PIP4P2: variants seen among roughly 807,000 people sequenced by gnomAD.
PIP4P2 encodes the protein phosphatidylinositol-4,5-bisphosphate 4-phosphatase 2.
In PIP4P2, 19 loss-of-function variants were observed where a neutral mutation model predicts 33.3. That is an observed-to-expected ratio of 0.57 (90% CI 0.40 to 0.84). The LOEUF (loss-of-function observed/expected upper bound fraction) is 0.84, where lower values mean the gene tolerates loss of function less well. Among genes scored for constraint, PIP4P2 ranks in the 40% least tolerant of loss-of-function variants. PIP4P2 has a pLI of 0.00. For synonymous variants in PIP4P2, 110 were observed against 111.9 expected (o/e 0.98, Z 0.11); for missense variants, 270 against 324.7 (o/e 0.83, Z 1.29).
intron 3 of PIP4P2, 74 bp downstream of exon 3, chr8:91,020,083 C>T: frequency 7.1e-7 from 1 of 1,410,526 alleles, no homozygotes; most frequent in Non-Finnish European, 9.9e-7. Flanking sequence ...CAAAGCCTGG[C>T]ACTGAAGAAC....
At chr8:91,025,256 G>A (rs1311566585) in intron 1 of PIP4P2, among the ~76,000 whole-genome samples, 4 of 152,134 alleles carry the variant, frequency 2.6e-5, no homozygotes, top group South Asian at 2.1e-4. Context: ...AGAGAAAAAC[G>A]GACTCATAAA....
chr8:91,024,838 A>G (rs1332079818), intron 1 of PIP4P2, among the ~76,000 whole-genome samples: 1 of 152,146 alleles, frequency 6.6e-6, no homozygotes, highest in Non-Finnish European at 1.5e-5. Flanking sequence ...TTAATCCTAA[A>G]AAAAAACTCC....
At chr8:91,017,599 TAAAA>T (rs1039783909) in intron 4 of PIP4P2, among the ~76,000 whole-genome samples, 1 of 151,650 alleles carries the variant, frequency 6.6e-6, no homozygotes, top group African/African-American at 2.4e-5. Context: ...AAATTACAAA[TAAAA>T]AAAAGCAAAC....
chr8:91,031,431 T>A (rs1252013862), intron 1 of PIP4P2, among the ~76,000 whole-genome samples: 2 of 152,202 alleles, frequency 1.3e-5, no homozygotes, highest in Admixed American at 6.5e-5. Context: ...CAATAAAATG[T>A]CATATTGTAA....
chr8:91,002,041 C>T (rs1463205686), intron 5 of PIP4P2, among the ~76,000 whole-genome samples: 1 of 151,964 alleles, frequency 6.6e-6, no homozygotes, highest in African/African-American at 2.4e-5. Context: ...TTTCTTTTTC[C>T]TAACTCACTC....
intron 1 of PIP4P2, among the ~76,000 whole-genome samples, chr8:91,036,551 C>T (rs1197875864): frequency 6.6e-6 from 1 of 152,158 alleles, no homozygotes; most frequent in Non-Finnish European, 1.5e-5. Context: ...TCCTTCATCT[C>T]TCCATCTCTA....
intron 4 of PIP4P2, among the ~76,000 whole-genome samples, chr8:91,014,669 AT>A (rs1811888048): frequency 6.6e-6 from 1 of 151,818 alleles, no homozygotes. Flanking sequence ...TGAAGATCTA[AT>A]GTACAGTATA....
At chr8:91,016,924 G>A (rs1223861994) in intron 4 of PIP4P2, among the ~76,000 whole-genome samples, 1 of 152,302 alleles carries the variant, frequency 6.6e-6, no homozygotes, top group East Asian at 1.9e-4. Context: ...GCAATTATTT[G>A]TAAGTCCAAG....
chr8:91,005,139 A>C (rs1438030003), intron 5 of PIP4P2, among the ~76,000 whole-genome samples: 1 of 152,174 alleles, frequency 6.6e-6, no homozygotes, highest in Non-Finnish European at 1.5e-5. Flanking sequence ...TAATATGTTG[A>C]AAATGAATTT....
chr8:91,038,583 C>T lies in PIP4P2; in HGVS notation c.106+2061G>A, dbSNP rs180811131. ...TATGGGATTGATCACTCTTGTTCCC[C>T]TAGAGCAGTGTATGGCACATTGTGC... On this transcript the variant is annotated intron_variant, in intron 1 of 6. Coordinates refer to ENST00000285419, the MANE Select transcript of PIP4P2 (RefSeq NM_018710.3). Among the ~76,000 whole-genome samples the T allele has an allele frequency of 1.2e-3, 185 of 152,212 alleles. 1 individual carries two copies. Among genetic ancestry groups the T allele is most frequent in the African/African-American group, 4.4e-3 (182 of 41,536 alleles).
At position 90,994,146 on chromosome 8, in the gene PIP4P2, G is replaced by C. The variant is rs928216880; in HGVS notation, c.*1531C>G. On this transcript the variant is annotated 3_prime_UTR_variant, in exon 7 of 7. Transcript: ENST00000285419. ...TTAAAAATAAAACCATTTGAAAATAGTACAAAAAACATAAATGAATATTAT... is the reference window on the plus strand; with the variant it reads ...TTAAAAATAAAACCATTTGAAAATACTACAAAAAACATAAATGAATATTAT... 6 of 151,936 alleles carry C rather than the reference G, an allele frequency of 3.9e-5. No individual in the cohort carries two copies. The highest frequency in any genetic ancestry group is 8.8e-5 in the Non-Finnish European group (6 of 67,934). 9.4% of individuals were successfully genotyped at this position (151,936 alleles called of 1,614,324 possible). A position where few individuals can be genotyped will look rare whatever the true frequency, so the allele number is the denominator to read the frequency against.
At chr8:91,004,752 G>C (rs1364225526) in intron 5 of PIP4P2, among the ~76,000 whole-genome samples, 4 of 152,022 alleles carry the variant, frequency 2.6e-5, no homozygotes, top group South Asian at 2.1e-4. Context: ...GATAAAGACA[G>C]GTTTACGAGT....
In PIP4P2 at chr8:91,040,684, A is replaced by G. The variant is rs1055689440; in HGVS notation, c.66T>C (p.Thr22=). ...CTTGCAAGTACGGTGGGGCGGTGGG[A>G]GTGACATTTCCGGAGTGGGATGCTG... ...LLSASHSGNV[T]PTAPPYLQES... The change falls in exon 1 of 7, where the codon ACT becomes ACC. Residue 22 remains threonine (T), a synonymous_variant. Coordinates refer to ENST00000285419, the MANE Select transcript of PIP4P2 (RefSeq NM_018710.3). 3.7e-6 allele frequency: 6 copies of G among 1,613,366 alleles called. No individual in the cohort carries two copies. The highest frequency in any genetic ancestry group is 1.8e-4 in the Middle Eastern group (1 of 5,530).
intron 4 of PIP4P2, among the ~76,000 whole-genome samples, chr8:91,014,758 GACACACACACAC>G (rs142952434): frequency 1.5e-3 from 215 of 142,748 alleles, no homozygotes; most frequent in African/African-American, 5.3e-3. Flanking sequence ...TTACCACAAA[GACACACACACAC>G]ACACACACAC....
chr8:91,026,076 C>T (rs10111737), intron 1 of PIP4P2, among the ~76,000 whole-genome samples: 102,913 of 152,002 alleles, frequency 0.68, 35,343 homozygotes, highest in Middle Eastern at 0.73. Context: ...TACTCTCTTT[C>T]GTGATGCTGG....
chr8:91,036,429 T>A (rs1311103808), intron 1 of PIP4P2, among the ~76,000 whole-genome samples: 1 of 152,172 alleles, frequency 6.6e-6, no homozygotes, highest in African/African-American at 2.4e-5. Flanking sequence ...GTTCTGGTAA[T>A]CACACCATGA....
chr8:91,007,395 T>A (rs1342461596), intron 5 of PIP4P2, among the ~76,000 whole-genome samples: 1 of 152,242 alleles, frequency 6.6e-6, no homozygotes, highest in African/African-American at 2.4e-5. Context: ...AAATACTTTT[T>A]AATTACTTTC....
At chr8:91,036,566 C>T (rs1812234769) in intron 1 of PIP4P2, among the ~76,000 whole-genome samples, 2 of 152,192 alleles carry the variant, frequency 1.3e-5, no homozygotes, top group African/African-American at 4.8e-5. Context: ...TCTCTACCAC[C>T]ACCTGAGTCC....
chr8:91,016,818 T>A (rs1811921525), intron 4 of PIP4P2: 1 of 152,186 alleles, frequency 6.6e-6, no homozygotes, highest in Non-Finnish European at 1.5e-5. Flanking sequence ...GATTCCTTGA[T>A]GCAATTAATT....
Sources: allele counts gnomAD v4.1 joint callset (sites outside exome capture counted in the v4.1 genomes callset), GRCh38; gene constraint gnomAD v4.1.1; transcripts MANE v1.5; gene names NCBI Gene and HGNC (gene_info 2026-07-23, HGNC 2026-07-21).